Variants in PXDNL observed in about 807,000 individuals in gnomAD.
The protein encoded by PXDNL is probable oxidoreductase PXDNL.
In PXDNL, 145 loss-of-function variants were observed where a neutral mutation model predicts 150.8. The ratio of observed to expected loss-of-function variants is 0.96; its 90% CI spans 0.84 to 1.10. The LOEUF (loss-of-function observed/expected upper bound fraction) is 1.10, where lower values mean the gene tolerates loss of function less well. Ranked by LOEUF, PXDNL falls within the 50% of genes least tolerant of loss-of-function variation. PXDNL has a pLI of 0.00. For missense variants in PXDNL, 2,087 were observed against 1,873.9 expected (o/e 1.11, Z -2.10); for synonymous variants, 757 against 725.7 (o/e 1.04, Z -0.69).
chr8:51,357,304 A>AAGC (rs1426910943), intron 19 of PXDNL, among the ~76,000 whole-genome samples: 1 of 152,214 alleles, frequency 6.6e-6, no homozygotes, highest in Non-Finnish European at 1.5e-5. Flanking sequence ...GTACACACAG[A>AAGC]AGCAGCACAG....
At chr8:51,473,120 G>C (rs987850167) in intron 7 of PXDNL, among the ~76,000 whole-genome samples, 9 of 151,928 alleles carry the variant, frequency 5.9e-5, no homozygotes, top group African/African-American at 2.2e-4. Context: ...ATTCTTTTTA[G>C]ATAAATGATT....
intron 19 of PXDNL, among the ~76,000 whole-genome samples, chr8:51,353,818 G>T (rs2915468): frequency 0.73 from 110,969 of 151,560 alleles, 41,147 homozygotes; most frequent in East Asian, 0.94. Flanking sequence ...TCGTTTCAGT[G>T]AATGCTTTTC....
At chr8:51,539,479 ATGAGT>A (rs1425488914) in intron 4 of PXDNL, among the ~76,000 whole-genome samples, 2 of 152,082 alleles carry the variant, frequency 1.3e-5, no homozygotes, top group Non-Finnish European at 2.9e-5. Context: ...AACTCATAAA[ATGAGT>A]TGAGAATTAT....
intron 17 of PXDNL, among the ~76,000 whole-genome samples, chr8:51,382,931 T>G (rs1452164363): frequency 6.6e-6 from 1 of 152,228 alleles, no homozygotes; most frequent in Non-Finnish European, 1.5e-5. Flanking sequence ...CTTTTTCTCA[T>G]GTCTTAAATA....
intron 3 of PXDNL, among the ~76,000 whole-genome samples, chr8:51,582,631 C>T (rs1813232674): frequency 6.6e-6 from 1 of 152,090 alleles, no homozygotes; most frequent in African/African-American, 2.4e-5. Flanking sequence ...TTATTACTCC[C>T]TCTTACTCTT....
chr8:51,563,080 G>T (rs765717783), intron 3 of PXDNL, among the ~76,000 whole-genome samples: 47 of 151,948 alleles, frequency 3.1e-4, no homozygotes, highest in Non-Finnish European at 6.3e-4. Flanking sequence ...GAATGAGAAT[G>T]ATCACAGACT....
chr8:51,345,869 A>G lies in PXDNL; in HGVS notation c.3980T>C (p.Val1327Ala), dbSNP rs11774588. Residue 1327 changes from valine (V) to alanine (A), a missense_variant, in exon 20 of 23, where the codon GTT (valine) becomes GCT (alanine). Transcript: ENST00000356297. ...KKRSAQYSYP[V>A]DKDMELSHLR... ...ATGACTTAACTCCATATCCTTATCA[A>G]CAGGATAGCTGTATTGAGCTGAGCG... 1 of 1,612,674 alleles carries G rather than the reference A, an allele frequency of 6.2e-7. No individual in the cohort carries two copies. The highest frequency in any genetic ancestry group is 1.7e-5 in the Admixed American group (1 of 60,014).
chr8:51,468,920 T>G (rs561920202), intron 8 of PXDNL, among the ~76,000 whole-genome samples: 2 of 152,168 alleles, frequency 1.3e-5, no homozygotes, highest in African/African-American at 4.8e-5. Flanking sequence ...TCCTTAATAA[T>G]CTAAGTGTAT....
At chr8:51,683,763 G>A (rs554398002) in intron 1 of PXDNL, among the ~76,000 whole-genome samples, 1 of 152,220 alleles carries the variant, frequency 6.6e-6, no homozygotes, top group African/African-American at 2.4e-5. Flanking sequence ...GTTTTAGCAG[G>A]ACTATAAGAA....
intron 4 of PXDNL, among the ~76,000 whole-genome samples, chr8:51,541,551 G>A (rs1812217800): frequency 6.6e-6 from 1 of 152,140 alleles, no homozygotes; most frequent in South Asian, 2.1e-4. Flanking sequence ...GCCACAAGTA[G>A]TTTCCTCCGA....
chr8:51,392,831 C>A (rs1164260871), intron 17 of PXDNL, among the ~76,000 whole-genome samples: 1 of 152,052 alleles, frequency 6.6e-6, no homozygotes, highest in Non-Finnish European at 1.5e-5. Context: ...AGATTTTCAA[C>A]AGCAACAGTG....
intron 2 of PXDNL, among the ~76,000 whole-genome samples, chr8:51,647,326 G>C (rs568276954): frequency 2.0e-5 from 3 of 152,052 alleles, no homozygotes; most frequent in Admixed American, 2.0e-4. Context: ...TCAAAATACC[G>C]ACACATGACA....
At chr8:51,483,896 C>G (rs1397968270) in intron 5 of PXDNL, among the ~76,000 whole-genome samples, 182 bp from the exon 6 acceptor site, 2 of 152,174 alleles carry the variant, frequency 1.3e-5, no homozygotes. Context: ...ATATCTCTAT[C>G]TACCACTACT....
intron 1 of PXDNL, among the ~76,000 whole-genome samples, chr8:51,727,256 G>A (rs985912379): frequency 6.6e-6 from 1 of 152,106 alleles, no homozygotes. Flanking sequence ...ATGGCATTTT[G>A]TTTTGTAATT....
At position 51,550,672 on chromosome 8, in the gene PXDNL, G is replaced by T. The variant is rs544413995; in HGVS notation, c.380+6168C>A. 4.6e-5 allele frequency among the ~76,000 whole-genome samples: 7 copies of T among 152,152 alleles called. No individual in the cohort carries two copies. The East Asian group carries it at 1.4e-3, about 29-fold the overall frequency. Reference sequence around the variant, plus strand: ...ACCCTCAGTGAAATTTGCATAGAAGGGAAATACCCTAAGGTAATAAAAGCC... The same window carrying T: ...ACCCTCAGTGAAATTTGCATAGAAGTGAAATACCCTAAGGTAATAAAAGCC... On this transcript the variant is annotated intron_variant, in intron 4 of 22. Transcript: ENST00000356297.
chr8:51,460,647 T>C (rs1810055589), intron 8 of PXDNL, among the ~76,000 whole-genome samples: 1 of 151,578 alleles, frequency 6.6e-6, no homozygotes, highest in Non-Finnish European at 1.5e-5. Flanking sequence ...GATCAGGTCC[T>C]AAAGAAGAGG....
At chr8:51,567,486 G>A (rs1052202155) in intron 3 of PXDNL, among the ~76,000 whole-genome samples, 3 of 151,720 alleles carry the variant, frequency 2.0e-5, no homozygotes, top group Non-Finnish European at 4.4e-5. Flanking sequence ...TGTCATCTTG[G>A]AAAATGAATC....
At chr8:51,530,013 C>T (rs1811860299) in intron 4 of PXDNL, among the ~76,000 whole-genome samples, 1 of 152,152 alleles carries the variant, frequency 6.6e-6, no homozygotes, top group South Asian at 2.1e-4. Context: ...CCTCAACTCT[C>T]CTGTGAGGAA....
chr8:51,772,333 T>C (rs763904480), intron 1 of PXDNL, among the ~76,000 whole-genome samples: 27 of 152,218 alleles, frequency 1.8e-4, no homozygotes, highest in Non-Finnish European at 2.8e-4. Flanking sequence ...TGGATACCTG[T>C]GCTTTCTGGG....
Sources: allele counts gnomAD v4.1 joint callset (sites outside exome capture counted in the v4.1 genomes callset), GRCh38; gene constraint gnomAD v4.1.1; transcripts MANE v1.5; gene names NCBI Gene and HGNC (gene_info 2026-07-23, HGNC 2026-07-21).